The following APOL3 variants were observed in gnomAD, a reference collection of about 807,000 sequenced individuals.
The protein encoded by APOL3 is apolipoprotein L3.
APOL3 carries 14 observed loss-of-function variants against 11.6 expected under a neutral mutation model. The ratio of observed to expected loss-of-function variants is 1.21; its 90% CI spans 0.80 to 1.89. The LOEUF (loss-of-function observed/expected upper bound fraction) is 1.89. Among genes scored for constraint, APOL3 ranks in the 40% most tolerant of loss-of-function variants. The pLI, the probability that APOL3 is intolerant of heterozygous loss-of-function variation, is 0.00. For synonymous variants in APOL3, 192 were observed against 190.6 expected, an observed-to-expected ratio of 1.01 and a Z score of -0.06; for missense variants, 483 against 492.1, an observed-to-expected ratio of 0.98 and a Z score of 0.17.
chr22:36,162,994 G>A (rs1017635789), upstream of APOL3, among the ~76,000 whole-genome samples: 5 of 152,218 alleles, frequency 3.3e-5, no homozygotes, highest in African/African-American at 1.2e-4. Context: ...CATTAGAGAG[G>A]GGGTATATCC....
intron 1 of APOL3, among the ~76,000 whole-genome samples, chr22:36,158,507 C>T (rs552781632): frequency 2.2e-4 from 34 of 152,190 alleles, no homozygotes; most frequent in African/African-American, 7.9e-4. Flanking sequence ...AGGCGGGTCC[C>T]TAACACTATG....
At chr22:36,151,144 T>G (rs2060418465) in intron 1 of APOL3, among the ~76,000 whole-genome samples, 1 of 152,166 alleles carries the variant, frequency 6.6e-6, no homozygotes, top group African/African-American at 2.4e-5. Context: ...TGGAAAAAAT[T>G]AGAGACTTCA....
intron 1 of APOL3, among the ~76,000 whole-genome samples, chr22:36,151,160 G>A (rs1046722898): frequency 6.6e-6 from 1 of 152,150 alleles, no homozygotes; most frequent in Non-Finnish European, 1.5e-5. Flanking sequence ...CTTCATAACT[G>A]CATCTAAAGG....
chr22:36,149,558 C>T (rs1413731479), intron 1 of APOL3, among the ~76,000 whole-genome samples: 1 of 152,188 alleles, frequency 6.6e-6, no homozygotes, highest in African/African-American at 2.4e-5. Context: ...ATCTGCAGGG[C>T]TCCTCATATG....
chr22:36,142,124 G>T, intron 2 of APOL3, 66 bp from the exon 4 acceptor site: 1 of 1,502,104 alleles, frequency 6.7e-7, no homozygotes. Context: ...AGCTCAATAA[G>T]ATCTGTTCTA....
At chr22:36,140,976 C>T (rs1214464032) in exon 3 of APOL3, 10 of 604,452 alleles carry the variant, frequency 1.7e-5, no homozygotes, top group Admixed American at 9.6e-5. Flanking sequence ...CTCCAGTCCC[C>T]TCTCCTCCCT....
At chr22:36,155,473 G>A (rs1383566293) in intron 1 of APOL3, among the ~76,000 whole-genome samples, 1 of 152,096 alleles carries the variant, frequency 6.6e-6, no homozygotes, top group Non-Finnish European at 1.5e-5. Flanking sequence ...ATTGTCTGGG[G>A]CCCCCATGCA....
chr22:36,141,961 C>T, exon 3 of APOL3: 1 of 1,614,226 alleles, frequency 6.2e-7, no homozygotes, highest in South Asian at 1.1e-5. Flanking sequence ...AAAAACCATT[C>T]CCTAAACTGC....
intron 2 of APOL3, among the ~76,000 whole-genome samples, chr22:36,144,630 G>A (rs1014291040): frequency 6.6e-6 from 1 of 152,044 alleles, no homozygotes; most frequent in Admixed American, 6.5e-5. Context: ...AAAGGGCCCC[G>A]GACAGCATCT....
At chr22:36,144,940 G>A in intron 2 of APOL3, among the ~76,000 whole-genome samples, 1 of 150,436 alleles carries the variant, frequency 6.6e-6, no homozygotes, top group Non-Finnish European at 1.5e-5. Context: ...GAAACCGGGA[G>A]GCGGAGGTTG....
chr22:36,147,225 AGAG>A (rs1486368463), intron 1 of APOL3, among the ~76,000 whole-genome samples: 1 of 152,216 alleles, frequency 6.6e-6, no homozygotes, highest in African/African-American at 2.4e-5. Context: ...TACCATGCAC[AGAG>A]GATTCCTCCT....
upstream of APOL3, among the ~76,000 whole-genome samples, chr22:36,162,834 G>C (rs1044069584): frequency 6.6e-6 from 1 of 152,192 alleles, no homozygotes; most frequent in Non-Finnish European, 1.5e-5. Context: ...GATGATTTAC[G>C]TTCAGCATGG....
chr22:36,145,124 G>C (rs550050228), intron 2 of APOL3, among the ~76,000 whole-genome samples: 124 of 152,024 alleles, frequency 8.2e-4, no homozygotes, highest in African/African-American at 2.8e-3. Context: ...CCATGTGTCA[G>C]TCATTATGCT....
At chr22:36,162,152 A>T (rs1408911408), upstream of APOL3, among the ~76,000 whole-genome samples, 1 of 152,200 alleles carries the variant, frequency 6.6e-6, no homozygotes. Flanking sequence ...TTAAGTAGAC[A>T]TTAGCAGCTG....
chr22:36,145,837 A>C (rs1306091383), intron 1 of APOL3, among the ~76,000 whole-genome samples: 1 of 152,004 alleles, frequency 6.6e-6, no homozygotes, highest in Non-Finnish European at 1.5e-5. Context: ...ATTTAAAGAG[A>C]GTCGTAAGGG....
At chr22:36,159,840 A>C (rs193102064) in intron 1 of APOL3, among the ~76,000 whole-genome samples, 1 of 151,590 alleles carries the variant, frequency 6.6e-6, no homozygotes, top group Non-Finnish European at 1.5e-5. Flanking sequence ...TGGGTGAAAC[A>C]ACCTCTGGGT....
rs780757701 is a variant in APOL3 at position 36,160,727 on chromosome 22, TC to T, written c.164del (p.Gly55AspfsTer46). On this transcript the variant is annotated frameshift_variant, in exon 1 of 3. The change abolishes the stop of an existing upstream ORF in the 5' untranslated region. Coordinates refer to ENST00000349314, the Ensembl canonical transcript of APOL3. LOFTEE classifies it high-confidence loss of function. ...ATCCAGCTGTTCTGAGCTGTGTGGA[TC>T]CCACCTCCAGCCGTGCATCTGCATA... The T allele has an allele frequency of 4.8e-5, 78 of 1,614,112 alleles. No individual in the cohort carries two copies. The African/African-American group carries it at 9.6e-4, about 20-fold the overall frequency.
chr22:36,145,054 C>T (rs547383315), intron 2 of APOL3, among the ~76,000 whole-genome samples: 14 of 149,082 alleles, frequency 9.4e-5, no homozygotes, highest in Non-Finnish European at 1.8e-4. Context: ...AAGAAAAACA[C>T]TTTTGGTCCT....
intron 2 of APOL3, among the ~76,000 whole-genome samples, chr22:36,142,282 C>A (rs2060026451): frequency 6.6e-6 from 1 of 152,134 alleles, no homozygotes. Context: ...GAATAAAAAA[C>A]TTAAAGTCAT....
Sources: gnomAD v4.1 joint callset for allele counts (sites outside exome capture counted in the v4.1 genomes callset) on GRCh38, gnomAD v4.1.1 for gene constraint, MANE v1.5 for transcripts, NCBI Gene and HGNC (gene_info 2026-07-23, HGNC 2026-07-21) for gene names.